Variants in NFXL1 observed in about 807,000 individuals in gnomAD.
NFXL1 encodes the protein nuclear transcription factor, X-box binding like 1.
A neutral mutation model predicts 123.3 loss-of-function variants in NFXL1; 66 were observed. The observed-to-expected ratio is 0.54, with a 90% CI of 0.44 to 0.66. NFXL1 has a LOEUF of 0.66. NFXL1 is among the 30% of genes least tolerant of loss of function. The pLI is 0.00. For synonymous variants in NFXL1, 346 were observed against 360.8 expected, an observed-to-expected ratio of 0.96 and a Z score of 0.46; for missense variants, 944 against 1,125.6, an observed-to-expected ratio of 0.84 and a Z score of 2.31.
At chr4:47,897,153 T>A (rs998232501) in intron 9 of NFXL1, among the ~76,000 whole-genome samples, 13 of 151,898 alleles carry the variant, frequency 8.6e-5, no homozygotes, top group South Asian at 2.1e-4. Flanking sequence ...CTACAAAAAA[T>A]TTTTTTAAAT....
rs2110016618 is a variant in NFXL1, at chr4:47,847,866, T to C, written c.*297A>G. 4.8e-6 allele frequency: 1 copy of C among 208,658 alleles called. No homozygotes were observed. The highest frequency in any genetic ancestry group is 2.3e-5 in the African/African-American group (1 of 43,880). 12.9% of individuals were successfully genotyped at this position (208,658 alleles called of 1,614,324 possible). A position where few individuals can be genotyped will look rare whatever the true frequency, so the allele number is the denominator to read the frequency against. ...AAAAGTGTTGGTTTGAATTATTAAA[T>C]GAAAAAACTAAGTACAAGGAAGCCC... On this transcript the variant is annotated 3_prime_UTR_variant, in exon 23 of 23. Coordinates refer to ENST00000507489, the MANE Select transcript of NFXL1 (RefSeq NM_001278624.2).
At position 47,896,561 on chromosome 4, in the gene NFXL1, G is replaced by GGT; in HGVS notation, c.1290_1291insAC (p.Gln431ThrfsTer72). On this transcript the variant is annotated frameshift_variant, in exon 10 of 23. Transcript: ENST00000507489. LOFTEE classifies it high-confidence loss of function. Reference sequence around the variant, plus strand: ...TCACAGGGACCTCGGTGACAACGCTGTGAACATCTATGGATTCCGCATTCA... The same window carrying GGT: ...TCACAGGGACCTCGGTGACAACGCTGGTTGAACATCTATGGATTCCGCATTCA... 6.2e-7 allele frequency: 1 copy of GGT among 1,613,370 alleles called. No homozygotes were observed. Among genetic ancestry groups the GGT allele is most frequent in the Non-Finnish European group, 8.5e-7 (1 of 1,179,388 alleles).
chr4:47,853,802 T>C (rs1734258576), intron 20 of NFXL1, among the ~76,000 whole-genome samples: 1 of 152,034 alleles, frequency 6.6e-6, no homozygotes, highest in South Asian at 2.1e-4. Context: ...GTATGCCGAG[T>C]CTGCATATAC....
chr4:47,909,524 A>G (rs1194183837), intron 3 of NFXL1, among the ~76,000 whole-genome samples: 1 of 152,248 alleles, frequency 6.6e-6, no homozygotes, highest in Non-Finnish European at 1.5e-5. Flanking sequence ...TGGTTTTAAC[A>G]GTATACTAAA....
chr4:47,847,605 C>T lies in NFXL1; in HGVS notation c.*558G>A, dbSNP rs952235335. The T allele has an allele frequency of 1.3e-5, 2 of 152,660 alleles. No individual in the cohort carries two copies. The highest frequency in any genetic ancestry group is 2.9e-5 in the Non-Finnish European group (2 of 68,016). 9.5% of individuals were successfully genotyped at this position (152,660 alleles called of 1,614,324 possible). A position where few individuals can be genotyped will look rare whatever the true frequency, so the allele number is the denominator to read the frequency against. ...CATTTGTTGAAAATAACTATATATTCTGAAGAACACGCCCCATGACATTTA... is the reference window on the plus strand; with the variant it reads ...CATTTGTTGAAAATAACTATATATTTTGAAGAACACGCCCCATGACATTTA... On this transcript the variant is annotated 3_prime_UTR_variant, in exon 23 of 23. Coordinates refer to ENST00000507489, the MANE Select transcript of NFXL1 (RefSeq NM_001278624.2).
intron 15 of NFXL1, among the ~76,000 whole-genome samples, chr4:47,880,541 C>A (rs1736031214): frequency 6.8e-6 from 1 of 147,954 alleles, no homozygotes; most frequent in Non-Finnish European, 1.5e-5. Context: ...AATAAGAAAG[C>A]AAATAACGCA....
At chr4:47,859,701 G>C (rs1284834732) in intron 19 of NFXL1, among the ~76,000 whole-genome samples, 1 of 151,630 alleles carries the variant, frequency 6.6e-6, no homozygotes. Context: ...AATTTGCTGG[G>C]CGTAGTGGCG....
chr4:47,888,211 T>C (rs981748156), intron 12 of NFXL1, among the ~76,000 whole-genome samples: 2 of 152,098 alleles, frequency 1.3e-5, no homozygotes, highest in African/African-American at 2.4e-5. Context: ...GAGTCAGAGG[T>C]TGCAGTGAGC....
intron 3 of NFXL1, among the ~76,000 whole-genome samples, chr4:47,908,827 C>T (rs1737684191): frequency 6.6e-6 from 1 of 151,642 alleles, no homozygotes; most frequent in African/African-American, 2.4e-5. Flanking sequence ...TGGTGGCGGG[C>T]ACCTGTAGTC....
chr4:47,863,256 T>C (rs1352615712), intron 18 of NFXL1, among the ~76,000 whole-genome samples: 3 of 152,204 alleles, frequency 2.0e-5, no homozygotes, highest in African/African-American at 7.2e-5. Context: ...ATAATTACAA[T>C]TGTTAATGCC....
At chr4:47,865,672 CACTA>C (rs1735016771) in intron 18 of NFXL1, among the ~76,000 whole-genome samples, 1 of 152,112 alleles carries the variant, frequency 6.6e-6, no homozygotes, top group Non-Finnish European at 1.5e-5. Context: ...TAGACCACAG[CACTA>C]ACTAAAGGGA....
Position 47,885,943 on chromosome 4 carries a change from T to G in NFXL1, c.1600A>C (p.Lys534Gln). Residue 534 changes from lysine (K) to glutamine (Q), a missense_variant, in exon 13 of 23, where the codon AAG becomes CAG. This residue lies in a region of NFXL1 where 296 missense variants were observed against 395.1 expected (regional missense o/e 0.75). Transcript: ENST00000507489. ...TCTCGGCCACAGGGCACTGTCACCT[T>G]TGTATTGCCACAATTACACTTCACA... ...VDVKCNCGNTKVTVPCGRERT... is the reference protein window; with the variant it reads ...VDVKCNCGNTQVTVPCGRERT... 1 of 1,613,822 alleles carries G rather than the reference T, an allele frequency of 6.2e-7. No homozygotes were observed. Among genetic ancestry groups the G allele is most frequent in the Non-Finnish European group, 8.5e-7 (1 of 1,179,696 alleles).
At chr4:47,891,959 T>C (rs1292008508) in intron 11 of NFXL1, among the ~76,000 whole-genome samples, 1 of 151,838 alleles carries the variant, frequency 6.6e-6, no homozygotes, top group Non-Finnish European at 1.5e-5. Flanking sequence ...AGAGGCAATA[T>C]AGTTTATTCA....
rs775957092 is a variant in NFXL1 at position 47,851,921 on chromosome 4, G to A, written c.2443C>T (p.Arg815Cys). 80 of 1,609,834 alleles carry A rather than the reference G, an allele frequency of 5.0e-5. No individual in the cohort carries two copies. The highest frequency in any genetic ancestry group is 6.1e-5 in the Non-Finnish European group (72 of 1,176,770). ...CATTCTATTGAAACCTGATTTTCAC[G>A]TACTTTGTTGCACTGCAATTCCTAC... ...IKKELQCNKV[R>C]ENQVSIECDT... The change falls in exon 21 of 23, where the codon CGT (arginine) becomes TGT (cysteine). Residue 815 changes from arginine (R) to cysteine (C), a missense_variant. Physicochemically the swap from Arg to Cys is radical, Grantham distance 180. Around this residue, in one of 4 missense-constraint regions of NFXL1, gnomAD observed 301 missense variants for 348.0 expected, o/e 0.86. Transcript: ENST00000507489.
chr4:47,851,935 T>G lies in NFXL1; in HGVS notation c.2429A>C (p.Gln810Pro). 6.2e-7 allele frequency: 1 copy of G among 1,606,988 alleles called. No homozygotes were observed. Residue 810 changes from glutamine to proline, a missense_variant, in exon 21 of 23, where the codon CAG becomes CCG. Transcript: ENST00000507489. Reference protein sequence around the residue: ...CPCKRIKKELQCNKVRENQVS... With the variant: ...CPCKRIKKELPCNKVRENQVS... ...CTGATTTTCACGTACTTTGTTGCAC[T>G]GCAATTCCTACAAACAACCCGATTT... is the stretch of plus-strand genomic sequence containing the variant.
In NFXL1 at chr4:47,858,708, A is replaced by C. The variant is rs181628554; in HGVS notation, c.2317-3545T>G. On this transcript the variant is annotated intron_variant, in intron 19 of 22. Transcript: ENST00000507489. ...ATAAAAGTAAGGAAAGGATTACTAT[A>C]AAAAGGCAATGGTGGTCACCCTATA... 7.9e-5 allele frequency among the ~76,000 whole-genome samples: 12 copies of C among 152,344 alleles called. No homozygotes were observed. In the East Asian group the frequency reaches 2.3e-3, roughly 29 times the overall value.
Position 47,885,970 on chromosome 4 carries a change from C to T in NFXL1, c.1573G>A (p.Asp525Asn). Residue 525 changes from aspartate (D) to asparagine (N), a missense_variant, in exon 13 of 23, where the codon GAT becomes AAT. Around this residue, in one of 4 missense-constraint regions of NFXL1, gnomAD observed 296 missense variants for 395.1 expected, o/e 0.75. Coordinates refer to ENST00000507489, the MANE Select transcript of NFXL1 (RefSeq NM_001278624.2). ...GSCYPCPETV[D>N]VKCNCGNTKV... Reference sequence around the variant, plus strand: ...GTATTGCCACAATTACACTTCACATCTACGGTTTCTGGGCAGGGATAGCAA... The same window carrying T: ...GTATTGCCACAATTACACTTCACATTTACGGTTTCTGGGCAGGGATAGCAA... 2 of 1,613,508 alleles carry T rather than the reference C, an allele frequency of 1.2e-6. No individual in the cohort carries two copies. The highest frequency in any genetic ancestry group is 1.7e-6 in the Non-Finnish European group (2 of 1,179,780).
intron 19 of NFXL1, among the ~76,000 whole-genome samples, chr4:47,859,763 A>G (rs1734618477): frequency 7.1e-6 from 1 of 141,572 alleles, no homozygotes; most frequent in Non-Finnish European, 1.5e-5. Flanking sequence ...AATCGCTTGA[A>G]CCTGGGAGGT....
chr4:47,890,835 A>G (rs1736723103), intron 11 of NFXL1, 132 bp from the exon 12 acceptor site: 1 of 588,120 alleles, frequency 1.7e-6, no homozygotes, highest in East Asian at 2.9e-5. Context: ...CAAGAATATC[A>G]ACATTCTTCT....
Sources: gnomAD v4.1 joint callset for allele counts (sites outside exome capture counted in the v4.1 genomes callset) on GRCh38, gnomAD v4.1.1 for gene constraint, gnomAD v4.1.1 regional missense constraint, MANE v1.5 for transcripts, NCBI Gene and HGNC (gene_info 2026-07-23, HGNC 2026-07-21) for gene names.